The following TBC1D20 variants were observed in gnomAD, a reference collection of about 807,000 sequenced individuals.
The protein encoded by TBC1D20 is chromosome 20 open reading frame 140.
TBC1D20 carries 12 observed loss-of-function variants against 41.6 expected under a neutral mutation model. The observed-to-expected ratio is 0.29, with a 90% CI of 0.18 to 0.47. TBC1D20 has a LOEUF of 0.47. Ranked by LOEUF, TBC1D20 falls within the 20% of genes least tolerant of loss-of-function variation. TBC1D20 has a pLI of 1.00. For missense variants in TBC1D20, 421 were observed against 517.4 expected (o/e 0.81, Z 1.81); for synonymous variants, 205 against 204.8 (o/e 1.00, Z -0.01).
At chr20:458,912 G>C (rs6116075) in intron 1 of TBC1D20, among the ~76,000 whole-genome samples, 1 of 151,952 alleles carries the variant, frequency 6.6e-6, no homozygotes, top group South Asian at 2.1e-4. Context: ...GTTTTTTTCA[G>C]GCCCCAACAC....
chr20:460,511 G>A (rs1190568341), intron 1 of TBC1D20, among the ~76,000 whole-genome samples: 7 of 151,426 alleles, frequency 4.6e-5, no homozygotes, highest in Non-Finnish European at 1.0e-4. Flanking sequence ...CCTTATTTCA[G>A]TCTGGGTAAG....
chr20:455,129 C>T (rs1047060190), intron 1 of TBC1D20, among the ~76,000 whole-genome samples: 4 of 152,174 alleles, frequency 2.6e-5, no homozygotes, highest in East Asian at 1.9e-4. Context: ...CTTTTCACCT[C>T]GGTAAACCTG....
chr20:444,280 GAGCAAGAATGCC>G (rs2017290599), intron 3 of TBC1D20, among the ~76,000 whole-genome samples: 1 of 152,210 alleles, frequency 6.6e-6, no homozygotes, highest in Admixed American at 6.5e-5. Flanking sequence ...TCTGTCCAGG[GAGCAAGAATGCC>G]AGCAGGAAAG....
In TBC1D20 at chr20:439,938, G is replaced by T. The variant is rs2017193725; in HGVS notation, c.768+310C>A. ...ACTATTTCCCTAATTGTGTTCATCA[G>T]CTGAACATATATTCCAGACAATGTC... On this transcript the variant is annotated intron_variant, in intron 6 of 7. Coordinates refer to ENST00000354200, the MANE Select transcript of TBC1D20 (RefSeq NM_144628.4). This position sits in a 1 kb window ranked among gnomAD's most constrained non-coding sequence, Gnocchi z 4.6. 6.6e-6 allele frequency among the ~76,000 whole-genome samples: 1 copy of T among 152,168 alleles called. No individual in the cohort carries two copies. Among genetic ancestry groups the T allele is most frequent in the Admixed American group, 6.5e-5 (1 of 15,282 alleles).
rs755402111 is a variant in TBC1D20 at position 441,958 on chromosome 20, G to A, written c.423C>T (p.His141=). The A allele has an allele frequency of 4.6e-5, 75 of 1,613,978 alleles. No homozygotes were observed. The highest frequency in any genetic ancestry group is 6.1e-5 in the Non-Finnish European group (72 of 1,180,020). ...CAATGTCATGGTAGCCCTGGTAGTA[G>A]TGCAGCTGAGGGTTGCGCTCCAAGA... The part of the protein sequence containing the change: ...LLILERNPQL[H]YYQGYHDIVV... The change falls in exon 4 of 8, where the codon CAC becomes CAT. Residue 141 remains histidine (H), a synonymous_variant. Transcript: ENST00000354200.
rs535749777 is a variant in TBC1D20, at chr20:448,466, G to A, written c.71-392C>T. On this transcript the variant is annotated intron_variant, in intron 1 of 7. Transcript: ENST00000354200. ...AGCACTTTGGGAGGCCGAGGTGGGC[G>A]GATCACAAGTTCAGGAATTCGAGAC... 3.4e-4 allele frequency among the ~76,000 whole-genome samples: 51 copies of A among 152,090 alleles called. No homozygotes were observed. In the East Asian group the frequency reaches 8.9e-3, roughly 27 times the overall value.
At chr20:441,527 C>G in intron 5 of TBC1D20, 61 bp downstream of exon 5, 1 of 1,415,524 alleles carries the variant, frequency 7.1e-7, no homozygotes, top group Non-Finnish European at 1.0e-6. Flanking sequence ...AGGAGTGTTT[C>G]AGGTGTGGGG....
intron 1 of TBC1D20, among the ~76,000 whole-genome samples, chr20:454,681 T>TATTTC (rs2017512044): frequency 6.6e-6 from 1 of 151,518 alleles, no homozygotes; most frequent in South Asian, 2.1e-4. Context: ...TATTTTATTT[T>TATTTC]TATTTTTTGA....
At chr20:443,270 A>C (rs2017272699) in intron 3 of TBC1D20, among the ~76,000 whole-genome samples, 1 of 152,228 alleles carries the variant, frequency 6.6e-6, no homozygotes. Context: ...AGCAAACGTT[A>C]CAGGAAAAAC....
At chr20:447,821 G>C in intron 2 of TBC1D20, 68 bp downstream of exon 2, 1 of 1,379,848 alleles carries the variant, frequency 7.2e-7, no homozygotes, top group Non-Finnish European at 9.8e-7. Context: ...AAAAATTAAA[G>C]ATCCTGGAAT....
Position 462,442 on chromosome 20 carries a change from G to C in TBC1D20, c.-37C>G. ...CCGGGCCCCCACCCGAGCCCCGGCT[G>C]GTGGCGGAGCCGGGAGAAGACGCGG... On this transcript the variant is annotated 5_prime_UTR_variant, in exon 1 of 8. Transcript: ENST00000354200. 2 of 1,163,782 alleles carry C rather than the reference G, an allele frequency of 1.7e-6. No homozygotes were observed. The highest frequency in any genetic ancestry group is 2.2e-6 in the Non-Finnish European group (2 of 927,334). 72.1% of individuals were successfully genotyped at this position (1,163,782 alleles called of 1,614,324 possible).
At chr20:460,677 A>C (rs1441852401) in intron 1 of TBC1D20, among the ~76,000 whole-genome samples, 5 of 152,228 alleles carry the variant, frequency 3.3e-5, no homozygotes, top group African/African-American at 1.2e-4. Context: ...ATGGAAAAAA[A>C]CAGTCTAGTA....
In TBC1D20 at chr20:440,419, T is replaced by C. The variant is rs1225256136; in HGVS notation, c.627-30A>G. 5 of 1,612,722 alleles carry C rather than the reference T, an allele frequency of 3.1e-6. No individual in the cohort carries two copies. The African/African-American group carries it at 4.0e-5, about 13-fold the overall frequency. On this transcript the variant is annotated intron_variant, in intron 5 of 7. Transcript: ENST00000354200. ...AAACAAAGGAAAGGCAGGTGTCAGGTCCTGTGGGCCATCCCTTCCCTCTCT... is the reference window on the plus strand; with the variant it reads ...AAACAAAGGAAAGGCAGGTGTCAGGCCCTGTGGGCCATCCCTTCCCTCTCT...
intron 1 of TBC1D20, among the ~76,000 whole-genome samples, chr20:453,908 G>A (rs1312665193): frequency 1.4e-5 from 2 of 145,232 alleles, no homozygotes; most frequent in African/African-American, 2.6e-5. Context: ...AGATTGAGAC[G>A]AGCCTGGCCA....
intron 2 of TBC1D20, among the ~76,000 whole-genome samples, chr20:446,083 T>C (rs2017326337): frequency 6.6e-6 from 1 of 152,274 alleles, no homozygotes. Flanking sequence ...CTGGCAATCA[T>C]AGCACAACTA....
At position 439,152 on chromosome 20, in the gene TBC1D20, T is replaced by C. The variant is rs1349441926; in HGVS notation, c.912A>G (p.Pro304=). 3.1e-6 allele frequency: 5 copies of C among 1,613,928 alleles called. No individual in the cohort carries two copies. The highest frequency in any genetic ancestry group is 2.7e-5 in the African/African-American group (2 of 74,890). Residue 304 remains proline (P), a synonymous_variant, in exon 7 of 8, where the codon CCA becomes CCG. Transcript: ENST00000354200. The surrounding 1 kb of genome is among the most constrained non-coding windows in gnomAD (Gnocchi z 4.6). ...CAGCGGCCTCCCGAGCAAGTTCGGA[T>C]GGGGGAAACTGAACAAAAAGGTCTC... ...RAGDLFVQFP[P]SELAREAAAQ... is the part of the protein sequence containing the mutation.
In TBC1D20 at chr20:440,313, C is replaced by T. The variant is rs1317605747; in HGVS notation, c.703G>A (p.Val235Ile). ...AGGAAGAAGTCATATAACCGCACGA[C>T]GTGCCTGAAGTCAGACAGGACATGC... ...FGHVLSDFRH[V>I]VRLYDFFLAC... The change falls in exon 6 of 8, where the codon GTC becomes ATC. Residue 235 changes from valine (V) to isoleucine (I), a missense_variant. Val to Ile is a conservative substitution (Grantham distance 29, BLOSUM62 3). Coordinates refer to ENST00000354200, the MANE Select transcript of TBC1D20 (RefSeq NM_144628.4). 2.5e-6 allele frequency: 4 copies of T among 1,614,098 alleles called. No individual in the cohort carries two copies. The highest frequency in any genetic ancestry group is 1.7e-5 in the Admixed American group (1 of 60,016).
chr20:441,732 G>C (rs2017234765), intron 4 of TBC1D20, 43 bp from the exon 5 acceptor site: 1 of 1,604,748 alleles, frequency 6.2e-7, no homozygotes, highest in African/African-American at 1.3e-5. Flanking sequence ...CAAACACTTA[G>C]ATCAGGGCTC....
chr20:451,119 A>G (rs938797694), intron 1 of TBC1D20, among the ~76,000 whole-genome samples: 3 of 152,256 alleles, frequency 2.0e-5, no homozygotes, highest in African/African-American at 4.8e-5. Flanking sequence ...CAAGAGCTCA[A>G]AGAGACTGCA....
Sources: allele counts gnomAD v4.1 joint callset (sites outside exome capture counted in the v4.1 genomes callset), GRCh38; gene constraint gnomAD v4.1.1; non-coding constraint Gnocchi (gnomAD v3.1); transcripts MANE v1.5; gene names NCBI Gene and HGNC (gene_info 2026-07-23, HGNC 2026-07-21).